The following MTA3 variants were observed in gnomAD, a reference collection of about 807,000 sequenced individuals.
MTA3 encodes metastasis associated 1 family member 3.
Under a neutral mutation model 83.5 loss-of-function variants are expected in MTA3, and 34 were observed. The ratio of observed to expected loss-of-function variants is 0.41; its 90% confidence interval spans 0.31 to 0.54. The LOEUF is 0.54. Ranked by LOEUF, MTA3 falls within the 20% of genes least tolerant of loss-of-function variation. MTA3 has a pLI of 0.33. For missense variants in MTA3, 761 were observed against 726.4 expected, an observed-to-expected ratio of 1.05 and a Z score of -0.55; for synonymous variants, 303 against 252.7, an observed-to-expected ratio of 1.20 and a Z score of -1.89.
intron 6 of MTA3, among the ~76,000 whole-genome samples, chr2:42,653,279 G>T (rs1688878157): frequency 1.3e-5 from 2 of 152,126 alleles, no homozygotes; most frequent in African/African-American, 2.4e-5. Flanking sequence ...GAATTGCCCA[G>T]ATTATCATAC....
chr2:42,678,048 C>G (rs1016861579), intron 8 of MTA3, among the ~76,000 whole-genome samples: 1 of 152,136 alleles, frequency 6.6e-6, no homozygotes. Flanking sequence ...TACAGCTAAA[C>G]TACACAGTCT....
intron 2 of MTA3, among the ~76,000 whole-genome samples, chr2:42,530,422 G>A (rs549144043): frequency 1.7e-4 from 26 of 152,114 alleles, no homozygotes; most frequent in African/African-American, 6.0e-4. Context: ...AGGAGGCGGA[G>A]CTTGCAGTGA....
chr2:42,721,704 A>G (rs1007811968), intron 15 of MTA3, among the ~76,000 whole-genome samples: 3 of 152,222 alleles, frequency 2.0e-5, no homozygotes, highest in South Asian at 4.2e-4. Context: ...GCCTTAAAAG[A>G]TATTTAGGAT....
intron 16 of MTA3, among the ~76,000 whole-genome samples, chr2:42,727,836 G>GATGT: frequency 6.6e-6 from 1 of 152,082 alleles, no homozygotes; most frequent in Admixed American, 6.5e-5. Flanking sequence ...ATACATAGTA[G>GATGT]ATGTATGTAT....
chr2:42,532,709 A>G lies in MTA3; in HGVS notation c.-141+37455A>G, dbSNP rs1315598091. ...GGAGAGGACACCACACTTCTACTCA[A>G]TGAAGAGAAACATTTTTACAATCCA... On this transcript the variant is annotated intron_variant, in intron 2 of 17. Transcript: ENST00000405592. 3 of 191,308 alleles carry G rather than the reference A, an allele frequency of 1.6e-5. 1 individual carries two copies. The highest frequency in any genetic ancestry group is 3.2e-5 in the Non-Finnish European group (3 of 94,062). The allele number at this position is 191,308 out of a possible 1,614,324, so 11.9% of individuals were successfully genotyped here.
At position 42,530,113 on chromosome 2, in the gene MTA3, G is replaced by C. The variant is rs151049123; in HGVS notation, c.-141+34859G>C. Among the ~76,000 whole-genome samples, 65 of 150,580 alleles carry C rather than the reference G, an allele frequency of 4.3e-4. No homozygotes were observed. In the East Asian group the frequency reaches 0.012, roughly 27 times the overall value. ...GGCAGGAGAATAGCTTGAAACCGGA[G>C]GGCAGAGGTTGCAGTGAGCCAAGAT... On this transcript the variant is annotated intron_variant, in intron 2 of 17. Transcript: ENST00000405592.
At chr2:42,568,052 G>C (rs1409051816), upstream of MTA3, 1 of 152,280 alleles carries the variant, frequency 6.6e-6, no homozygotes, top group African/African-American at 2.4e-5. Context: ...CTCTGGCGAG[G>C]CGGGAAGCAC....
intron 3 of MTA3, among the ~76,000 whole-genome samples, chr2:42,607,117 G>C (rs1166740456): frequency 6.7e-6 from 1 of 148,976 alleles, no homozygotes; most frequent in Non-Finnish European, 1.5e-5. Flanking sequence ...GGTAGAGGTA[G>C]GTAGAGGTAG....
At chr2:42,708,153 G>T in intron 13 of MTA3, 99 bp downstream of exon 13, 1 of 1,234,900 alleles carries the variant, frequency 8.1e-7, no homozygotes. Flanking sequence ...AAAAAATGAA[G>T]AAAGCTACCT....
chr2:42,568,631 C>G (rs1461578531), upstream of MTA3: 1 of 590,756 alleles, frequency 1.7e-6, no homozygotes, highest in Non-Finnish European at 2.4e-6. Flanking sequence ...CCTTCCCCCC[C>G]GTGGCGAGGC....
chr2:42,622,457 A>G (rs1195926945), intron 4 of MTA3, among the ~76,000 whole-genome samples: 4 of 151,902 alleles, frequency 2.6e-5, no homozygotes, highest in Non-Finnish European at 5.9e-5. Context: ...TTAGAGTTTT[A>G]TATTTGTTTC....
At chr2:42,550,567 G>A (rs74966194) in intron 2 of MTA3, among the ~76,000 whole-genome samples, 2,687 of 152,248 alleles carry the variant, frequency 0.018, 64 homozygotes, top group African/African-American at 0.061. Context: ...GAAAGCTCAC[G>A]TCCTGCTCAA....
At chr2:42,636,478 G>GCTGCCA (rs1281548135) in intron 4 of MTA3, among the ~76,000 whole-genome samples, 1 of 151,986 alleles carries the variant, frequency 6.6e-6, no homozygotes, top group African/African-American at 2.4e-5. Context: ...GGAGGTTGAG[G>GCTGCCA]CTGCAGTGAA....
intron 8 of MTA3, among the ~76,000 whole-genome samples, chr2:42,670,990 A>G (rs1028410368): frequency 6.6e-6 from 1 of 152,034 alleles, no homozygotes; most frequent in Admixed American, 6.6e-5. Context: ...AAAAGAAAAA[A>G]AAAATTCTGG....
rs1677370849 is a variant in MTA3 at position 42,556,008 on chromosome 2, G to A, written c.-140-14429G>A. 2.6e-5 allele frequency among the ~76,000 whole-genome samples: 4 copies of A among 151,632 alleles called. No individual in the cohort carries two copies. The South Asian group carries it at 8.3e-4, about 32-fold the overall frequency. On this transcript the variant is annotated intron_variant, in intron 2 of 17. Coordinates refer to the MTA3 transcript ENST00000405592. ...AATTGCTAGAACCCAGGAGATGGAA[G>A]TTGCAGTGAGCCGACACAGTGCCGC... is the stretch of plus-strand genomic sequence containing the variant.
intron 2 of MTA3, among the ~76,000 whole-genome samples, chr2:42,537,834 A>G (rs1442459610): frequency 6.6e-6 from 1 of 152,186 alleles, no homozygotes. Context: ...TAGAGTTTGT[A>G]GGAAAGTGTC....
At chr2:42,581,747 A>G (rs1679674847) in intron 3 of MTA3, 1 of 290,514 alleles carries the variant, frequency 3.4e-6, no homozygotes, top group South Asian at 2.9e-5. Flanking sequence ...CATAAATCAG[A>G]TTTTAAAAAG....
intron 8 of MTA3, among the ~76,000 whole-genome samples, chr2:42,676,426 A>G (rs1008434219): frequency 6.6e-6 from 1 of 152,156 alleles, no homozygotes; most frequent in Non-Finnish European, 1.5e-5. Context: ...AGCTGAGAAA[A>G]ATGCACTTAA....
chr2:42,588,708 A>G (rs747237085), intron 3 of MTA3, among the ~76,000 whole-genome samples: 18 of 152,150 alleles, frequency 1.2e-4, no homozygotes, highest in African/African-American at 4.3e-4. Context: ...AGGTGTATCA[A>G]TTAGTGTTTT....
Sources: gnomAD v4.1 joint callset for allele counts (sites outside exome capture counted in the v4.1 genomes callset) on GRCh38, gnomAD v4.1.1 for gene constraint, MANE v1.5 for transcripts, NCBI Gene and HGNC (gene_info 2026-07-23, HGNC 2026-07-21) for gene names.